Variants in ASIC2 observed in about 807,000 individuals in gnomAD.
ASIC2 encodes acid-sensing ion channel 2.
A neutral mutation model predicts 57.3 loss-of-function variants in ASIC2; 25 were observed. The ratio of observed to expected loss-of-function variants is 0.44; its 90% CI spans 0.32 to 0.61. ASIC2 has a LOEUF of 0.61. Among genes scored for constraint, ASIC2 ranks in the 20% least tolerant of loss-of-function variants. ASIC2 has a pLI of 0.06. For synonymous variants in ASIC2, 319 were observed against 307.5 expected, an observed-to-expected ratio of 1.04 and a Z score of -0.39; for missense variants, 641 against 738.1, an observed-to-expected ratio of 0.87 and a Z score of 1.52.
At chr17:33,299,532 TC>T (rs1382311818) in intron 1 of ASIC2, among the ~76,000 whole-genome samples, 1 of 122,558 alleles carries the variant, frequency 8.2e-6, no homozygotes, top group Admixed American at 8.4e-5. Context: ...CCTTTCTCCC[TC>T]ACTCTGTTTT....
intron 1 of ASIC2, among the ~76,000 whole-genome samples, chr17:33,995,802 C>T (rs78249044): frequency 0.082 from 12,439 of 152,154 alleles, 821 homozygotes; most frequent in East Asian, 0.23. Flanking sequence ...GTGAATAATG[C>T]ACAATGAATA....
At position 33,569,870 on chromosome 17, in the gene ASIC2, T is replaced by C. The variant is rs544351908; in HGVS notation, c.556-457803A>G. Among the ~76,000 whole-genome samples, 9 of 152,350 alleles carry C rather than the reference T, an allele frequency of 5.9e-5. 1 individual carries two copies. The South Asian group carries it at 1.9e-3, about 32-fold the overall frequency. ...CGCATGTTAGAAGCAAAGTTGCCTG[T>C]CTTAGCATTCCCAATTAGCCTATAT... On this transcript the variant is annotated intron_variant, in intron 1 of 9. Coordinates refer to the ASIC2 transcript ENST00000359872.
chr17:33,381,847 A>G (rs1182190395), intron 1 of ASIC2, among the ~76,000 whole-genome samples: 1 of 152,214 alleles, frequency 6.6e-6, no homozygotes, highest in East Asian at 1.9e-4. Context: ...TGAATCTTGG[A>G]TTCCTTTGCA....
chr17:33,721,910 C>T (rs750013083), intron 1 of ASIC2, among the ~76,000 whole-genome samples: 5 of 152,056 alleles, frequency 3.3e-5, no homozygotes, highest in African/African-American at 4.8e-5. Flanking sequence ...AGTGACAAGG[C>T]GAGAGATGAA....
chr17:33,692,365 T>TA (rs1908399402), intron 1 of ASIC2: 1 of 152,076 alleles, frequency 6.6e-6, no homozygotes, highest in African/African-American at 2.4e-5. Context: ...CTATCCTAGT[T>TA]AAAAAAGCAA....
At chr17:33,632,302 G>A (rs1483236974) in intron 1 of ASIC2, among the ~76,000 whole-genome samples, 2 of 152,094 alleles carry the variant, frequency 1.3e-5, no homozygotes, top group African/African-American at 4.8e-5. Flanking sequence ...ATAATAATAT[G>A]ATACATCAAA....
chr17:33,234,732 TG>T lies in ASIC2; in HGVS notation c.708+56675del, dbSNP rs1908229825. 2.0e-5 allele frequency among the ~76,000 whole-genome samples: 3 copies of T among 152,154 alleles called. No individual in the cohort carries two copies. The South Asian group carries it at 6.2e-4, about 32-fold the overall frequency. On this transcript the variant is annotated intron_variant, in intron 1 of 9. Transcript: ENST00000225823. ...TTGCTGTATCCTCACATGGTGTAAATGGGAAAAGGAACTCTCTGGTGTCTCT... is the reference window on the plus strand; with the variant it reads ...TTGCTGTATCCTCACATGGTGTAAATGGAAAAGGAACTCTCTGGTGTCTCT...
Position 33,563,965 on chromosome 17 carries a change from A to G in ASIC2, c.556-451898T>C, listed in dbSNP as rs1220538237. The stretch of plus-strand genomic sequence containing the variant: ...ATGCATCTCTAACTCTGGTACTCGA[A>G]TATTTCTTACGAGATTAGATGGCTA... On this transcript the variant is annotated intron_variant, in intron 1 of 9. Transcript: ENST00000359872. 2.0e-5 allele frequency among the ~76,000 whole-genome samples: 3 copies of G among 152,170 alleles called. No homozygotes were observed. In the East Asian group the frequency reaches 5.8e-4, roughly 29 times the overall value.
rs371987069 is a variant in ASIC2 at position 33,989,105 on chromosome 17, A to T, written c.555+166873T>A. ...GGGAACCCAACCTAAAACAGAACCC[A>T]CATCTGTCTGAACTTGAAGCCCTTT... On this transcript the variant is annotated intron_variant, in intron 1 of 9. Coordinates refer to the ASIC2 transcript ENST00000359872. 2.0e-5 allele frequency among the ~76,000 whole-genome samples: 3 copies of T among 152,090 alleles called. No homozygotes were observed. In the South Asian group the frequency reaches 6.2e-4, roughly 32 times the overall value.
intron 1 of ASIC2, among the ~76,000 whole-genome samples, chr17:33,451,616 T>G (rs1438791176): frequency 6.6e-6 from 1 of 152,204 alleles, no homozygotes; most frequent in Non-Finnish European, 1.5e-5. Flanking sequence ...TTTCAACCAT[T>G]GCAGTTGCCT....
In ASIC2 at chr17:33,213,922, C is replaced by T. The variant is rs1004594089; in HGVS notation, c.708+77486G>A. Reference sequence around the variant, plus strand: ...GAGAATAACAAGATATGATCAATAACCCAGAGATATGACACCCAGAGGTGA... The same window carrying T: ...GAGAATAACAAGATATGATCAATAATCCAGAGATATGACACCCAGAGGTGA... On this transcript the variant is annotated intron_variant, in intron 1 of 9. Coordinates refer to ENST00000225823, the MANE Select transcript of ASIC2 (RefSeq NM_183377.2). 2.0e-5 allele frequency among the ~76,000 whole-genome samples: 3 copies of T among 152,188 alleles called. No individual in the cohort carries two copies. The South Asian group carries it at 6.2e-4, about 32-fold the overall frequency.
At chr17:33,897,255 A>G (rs550484386) in intron 1 of ASIC2, among the ~76,000 whole-genome samples, 2 of 152,324 alleles carry the variant, frequency 1.3e-5, no homozygotes, top group South Asian at 4.1e-4. Flanking sequence ...TCCAACTTCA[A>G]TGATATTCTG....
At chr17:33,868,540 T>C (rs1371827481) in intron 1 of ASIC2, among the ~76,000 whole-genome samples, 2 of 152,086 alleles carry the variant, frequency 1.3e-5, no homozygotes, top group Non-Finnish European at 2.9e-5. Context: ...AGCCCTTGGG[T>C]TAGAGAATGT....
chr17:33,963,098 G>T (rs1033565519), intron 1 of ASIC2, among the ~76,000 whole-genome samples: 4 of 152,198 alleles, frequency 2.6e-5, no homozygotes, highest in Admixed American at 6.5e-5. Context: ...TTGAGATCTA[G>T]AGAGGTGTAC....
chr17:33,460,543 G>A (rs1424999016), intron 1 of ASIC2, among the ~76,000 whole-genome samples: 1 of 152,178 alleles, frequency 6.6e-6, no homozygotes, highest in East Asian at 1.9e-4. Flanking sequence ...GGGTTGCAAA[G>A]GGAAGTTTGC....
intron 1 of ASIC2, among the ~76,000 whole-genome samples, chr17:33,141,383 G>A (rs4426392): frequency 0.66 from 99,731 of 152,118 alleles, 33,491 homozygotes; most frequent in African/African-American, 0.8. Flanking sequence ...TAGTTAAAAT[G>A]ATTTATATTC....
chr17:33,311,020 C>A (rs1021198934), intron 1 of ASIC2, among the ~76,000 whole-genome samples: 7 of 152,104 alleles, frequency 4.6e-5, no homozygotes, highest in African/African-American at 1.7e-4. Context: ...CTGCCAGAGC[C>A]CCTCTGGGTT....
Position 33,862,866 on chromosome 17 carries a change from G to A in ASIC2, c.555+293112C>T, listed in dbSNP as rs569829874. Among the ~76,000 whole-genome samples the A allele has an allele frequency of 2.3e-4, 35 of 152,312 alleles. 1 individual carries two copies. The highest frequency in any genetic ancestry group is 4.1e-4 in the South Asian group (2 of 4,824). ...GGGCAGATGGTCAGTTTCTTGACCA[G>A]CGGTTGAAGACTTGGTGAAGACCAG... On this transcript the variant is annotated intron_variant, in intron 1 of 9. Coordinates refer to the ASIC2 transcript ENST00000359872.
intron 1 of ASIC2, among the ~76,000 whole-genome samples, chr17:33,138,962 A>G (rs559204728): frequency 1.1e-3 from 166 of 152,334 alleles, no homozygotes; most frequent in African/African-American, 3.5e-3. Flanking sequence ...CCTGGGGATC[A>G]GAAGTCCTGG....
Sources: allele counts gnomAD v4.1 joint callset (sites outside exome capture counted in the v4.1 genomes callset), GRCh38; gene constraint gnomAD v4.1.1; transcripts MANE v1.5; gene names NCBI Gene and HGNC (gene_info 2026-07-23, HGNC 2026-07-21).